SH3PXD2B: variants seen among roughly 807,000 people sequenced by gnomAD.
SH3PXD2B encodes the protein SH3 and PX domain-containing protein 2B.
A neutral mutation model predicts 73.1 loss-of-function variants in SH3PXD2B; 37 were observed. The ratio of observed to expected loss-of-function variants is 0.51; its 90% CI spans 0.39 to 0.67. The LOEUF (loss-of-function observed/expected upper bound fraction) is 0.67, where lower values mean the gene tolerates loss of function less well. Ranked by LOEUF, SH3PXD2B falls within the 30% of genes least tolerant of loss-of-function variation. The probability of loss-of-function intolerance (pLI) is 0.00; values close to 1 mark genes in which losing one functional copy is unlikely to be tolerated. For synonymous variants in SH3PXD2B, 457 were observed against 480.5 expected (o/e 0.95, Z 0.64); for missense variants, 1,053 against 1,197.8 (o/e 0.88, Z 1.78).
intron 12 of SH3PXD2B, among the ~76,000 whole-genome samples, chr5:172,328,408 A>T (rs1436546728): frequency 1.3e-5 from 2 of 152,006 alleles, no homozygotes; most frequent in Non-Finnish European, 2.9e-5. Context: ...CCAGCCGCCT[A>T]GGCTGATTTT....
chr5:172,335,318 G>C lies in SH3PXD2B; in HGVS notation c.*3051C>G, dbSNP rs983103050. ...ACTGAAATGTGTGAGCAAGGGGCGG[G>C]GGGAAGAGGCACCGAAATTCAGAGG... On this transcript the variant is annotated 3_prime_UTR_variant, in exon 13 of 13. Coordinates refer to ENST00000311601, the MANE Select transcript of SH3PXD2B (RefSeq NM_001017995.3). 116 of 1,182,330 alleles carry C rather than the reference G, an allele frequency of 9.8e-5. No individual in the cohort carries two copies. The highest frequency in any genetic ancestry group is 1.1e-4 in the Non-Finnish European group (110 of 957,366). The allele number at this position is 1,182,330 out of a possible 1,614,324, so 73.2% of individuals were successfully genotyped here. A position where few individuals can be genotyped will look rare whatever the true frequency, so the allele number is the denominator to read the frequency against.
Position 172,346,226 on chromosome 5 carries a change from C to T in SH3PXD2B, c.1098G>A (p.Pro366=), listed in dbSNP as rs768050049. 1.9e-5 allele frequency: 31 copies of T among 1,614,008 alleles called. No individual in the cohort carries two copies. The highest frequency in any genetic ancestry group is 1.6e-4 in the Middle Eastern group (1 of 6,062). The change falls in exon 12 of 13, where the codon CCG becomes CCA. Residue 366 remains proline, a synonymous_variant. Transcript: ENST00000311601. ...TGTAATACTCTTCCTCCACTTGGGG[C>T]GGGATGGGCGGCTTCGGCAGGTTGA... ...RGLNLPKPPI[P]PQVEEEYYTI...
chr5:172,343,388 G>A (rs1473024933), intron 12 of SH3PXD2B, among the ~76,000 whole-genome samples: 1 of 152,220 alleles, frequency 6.6e-6, no homozygotes, highest in Non-Finnish European at 1.5e-5. Context: ...GATTTGTCAA[G>A]CTTACACTCT....
chr5:172,411,829 CAA>C (rs1222579304), intron 2 of SH3PXD2B, among the ~76,000 whole-genome samples: 1 of 151,652 alleles, frequency 6.6e-6, no homozygotes, highest in African/African-American at 2.4e-5. Context: ...TAAATATACA[CAA>C]GAGAAGATTT....
In SH3PXD2B at chr5:172,335,826, T is replaced by C. The variant is rs545661827; in HGVS notation, c.*2543A>G. The C allele has an allele frequency of 1.4e-3, 1,662 of 1,229,300 alleles. 2 individuals carry two copies. The highest frequency in any genetic ancestry group is 1.6e-3 in the Non-Finnish European group (1,620 of 987,080). 76.1% of individuals were successfully genotyped at this position (1,229,300 alleles called of 1,614,324 possible). On this transcript the variant is annotated 3_prime_UTR_variant, in exon 13 of 13. Transcript: ENST00000311601. Reference sequence around the variant, plus strand: ...TACCATTGTAGGAAAAGGAGCTGGATACAGACGTCCTCAGGCCATAGATAT... The same window carrying C: ...TACCATTGTAGGAAAAGGAGCTGGACACAGACGTCCTCAGGCCATAGATAT...
intron 12 of SH3PXD2B, 90 bp from the exon 13 acceptor site, chr5:172,340,006 C>G (rs1422787919): frequency 5.3e-5 from 83 of 1,573,290 alleles, no homozygotes; most frequent in Non-Finnish European, 7.0e-5. Context: ...AACTGGAGCT[C>G]TAGAAGCTGT....
chr5:172,417,502 A>G (rs1758852374), intron 2 of SH3PXD2B, among the ~76,000 whole-genome samples: 1 of 152,222 alleles, frequency 6.6e-6, no homozygotes, highest in Non-Finnish European at 1.5e-5. Flanking sequence ...CAGCTAATCA[A>G]TGCTCTGTTT....
intron 5 of SH3PXD2B, 153 bp downstream of exon 5, chr5:172,381,883 C>T (rs150202442): frequency 8.2e-6 from 5 of 613,338 alleles, no homozygotes; most frequent in African/African-American, 7.4e-5. Flanking sequence ...TACCCACTTA[C>T]AGCAACTCTG....
chr5:172,372,401 T>C (rs913304855), intron 6 of SH3PXD2B, among the ~76,000 whole-genome samples: 9 of 152,128 alleles, frequency 5.9e-5, no homozygotes, highest in African/African-American at 9.7e-5. Context: ...TCCATCATGA[T>C]GGAAAGCTCC....
intron 5 of SH3PXD2B, among the ~76,000 whole-genome samples, chr5:172,375,086 C>T (rs1370462932): frequency 2.0e-5 from 3 of 152,090 alleles, no homozygotes; most frequent in Non-Finnish European, 2.9e-5. Context: ...AGGCCAGGAG[C>T]GGTGGTTCAC....
At chr5:172,390,581 T>C (rs1758159967) in intron 4 of SH3PXD2B, among the ~76,000 whole-genome samples, 1 of 152,156 alleles carries the variant, frequency 6.6e-6, no homozygotes. Context: ...TAAAAAGATA[T>C]GTCTATTGTA....
At chr5:172,361,789 GT>G (rs1581274938) in intron 7 of SH3PXD2B, among the ~76,000 whole-genome samples, 1 of 152,324 alleles carries the variant, frequency 6.6e-6, no homozygotes, top group East Asian at 1.9e-4. Context: ...AACCAAGGAA[GT>G]TTGGCTGGCT....
downstream of SH3PXD2B, among the ~76,000 whole-genome samples, chr5:172,332,761 T>TA (rs1423678116): frequency 1.3e-5 from 2 of 152,018 alleles, no homozygotes; most frequent in Non-Finnish European, 2.9e-5. Flanking sequence ...GGTGTCCTGT[T>TA]AGTCACCTGG....
intron 2 of SH3PXD2B, among the ~76,000 whole-genome samples, chr5:172,407,551 C>T (rs1033809680): frequency 1.3e-5 from 2 of 152,204 alleles, no homozygotes; most frequent in Non-Finnish European, 2.9e-5. Context: ...CTGTTTAGTA[C>T]ACGGGTCAAG....
intron 1 of SH3PXD2B, among the ~76,000 whole-genome samples, chr5:172,433,040 A>G (rs1759291028): frequency 6.6e-6 from 1 of 152,160 alleles, no homozygotes; most frequent in Non-Finnish European, 1.5e-5. Flanking sequence ...GACAGACCAC[A>G]TATACAACAG....
rs1161801713 is a variant in SH3PXD2B, at chr5:172,337,914, G to A, written c.*455C>T. ...TTTAGGAGGAGTGAATAAAGCCACTGGGCTTTTAGAAACATGAAGAAGTTG... is the reference window on the plus strand; with the variant it reads ...TTTAGGAGGAGTGAATAAAGCCACTAGGCTTTTAGAAACATGAAGAAGTTG... On this transcript the variant is annotated 3_prime_UTR_variant, in exon 13 of 13. Transcript: ENST00000311601. The A allele has an allele frequency of 5.8e-6, 6 of 1,033,102 alleles. No homozygotes were observed. In the African/African-American group the frequency reaches 1.0e-4, roughly 18 times the overall value. The allele number at this position is 1,033,102 out of a possible 1,614,324, so 64.0% of individuals were successfully genotyped here.
chr5:172,356,514 C>T (rs1757281466), intron 8 of SH3PXD2B, among the ~76,000 whole-genome samples: 1 of 152,190 alleles, frequency 6.6e-6, no homozygotes, highest in African/African-American at 2.4e-5. Context: ...CCAAGAAATA[C>T]CCAAGGCTCA....
chr5:172,454,420 G>C lies in SH3PXD2B; in HGVS notation c.-68C>G, dbSNP rs1759886568. On this transcript the variant is annotated 5_prime_UTR_variant, in exon 1 of 13. Coordinates refer to ENST00000311601, the MANE Select transcript of SH3PXD2B (RefSeq NM_001017995.3). ...GGCGCGGGGTGCAGGGAGCGCTGGG[G>C]GCGCGCCGCCGCGGGCAGGGAACCT... The C allele has an allele frequency of 4.9e-6, 5 of 1,016,602 alleles. No individual in the cohort carries two copies. The highest frequency in any genetic ancestry group is 6.2e-6 in the Non-Finnish European group (5 of 810,992). The allele number at this position is 1,016,602 out of a possible 1,614,324, so 63.0% of individuals were successfully genotyped here.
rs1759632619 is a variant in SH3PXD2B, at chr5:172,445,007, ACG to A, written c.75+9269_75+9270del. Reference sequence around the variant, plus strand: ...TCAAACCTCTTCTGCTTTTTCAAACACGCCATGTGCCAGGGTTTCCATTTCTT... The same window carrying A: ...TCAAACCTCTTCTGCTTTTTCAAACACCATGTGCCAGGGTTTCCATTTCTT... On this transcript the variant is annotated intron_variant, in intron 1 of 12. Coordinates refer to ENST00000311601, the MANE Select transcript of SH3PXD2B (RefSeq NM_001017995.3). This position sits in a 1 kb window ranked among gnomAD's most constrained non-coding sequence, Gnocchi z 5.2. 6.6e-6 allele frequency among the ~76,000 whole-genome samples: 1 copy of A among 152,030 alleles called. No homozygotes were observed.
Sources: gnomAD v4.1 joint callset for allele counts (sites outside exome capture counted in the v4.1 genomes callset) on GRCh38, gnomAD v4.1.1 for gene constraint, Gnocchi (gnomAD v3.1) non-coding constraint, MANE v1.5 for transcripts, NCBI Gene and HGNC (gene_info 2026-07-23, HGNC 2026-07-21) for gene names.